AOPEP: variants seen among roughly 807,000 people sequenced by gnomAD.
AOPEP encodes the protein aminopeptidase O (putative).
Under a neutral mutation model 98.1 loss-of-function variants are expected in AOPEP, and 77 were observed. The ratio of observed to expected loss-of-function variants is 0.78; its 90% CI spans 0.65 to 0.95. AOPEP has a LOEUF of 0.95. Among genes scored for constraint, AOPEP ranks in the 40% least tolerant of loss-of-function variants. AOPEP has a pLI of 0.00. For synonymous variants in AOPEP, 346 were observed against 365.3 expected (o/e 0.95, Z 0.60); for missense variants, 1,024 against 1,024.7 (o/e 1.00, Z 0.01).
intron 1 of AOPEP, among the ~76,000 whole-genome samples, chr9:94,755,216 T>C (rs1836739881): frequency 1.3e-5 from 2 of 152,314 alleles, no homozygotes; most frequent in Admixed American, 1.3e-4. Context: ...AATGCTTCAG[T>C]GAGACAGGCT....
At chr9:94,731,545 G>T (rs1382128488) in intron 1 of AOPEP, among the ~76,000 whole-genome samples, 1 of 151,966 alleles carries the variant, frequency 6.6e-6, no homozygotes, top group Non-Finnish European at 1.5e-5. Flanking sequence ...TTTTTAAATA[G>T]TACTTTTTAG....
chr9:94,772,508 T>C (rs1273043091), intron 2 of AOPEP, among the ~76,000 whole-genome samples: 4 of 152,194 alleles, frequency 2.6e-5, no homozygotes, highest in African/African-American at 9.7e-5. Flanking sequence ...AGGGTTCTAT[T>C]TGAGATGGTG....
At chr9:94,786,450 A>G (rs969068802) in intron 3 of AOPEP, among the ~76,000 whole-genome samples, 1 of 152,212 alleles carries the variant, frequency 6.6e-6, no homozygotes, top group Non-Finnish European at 1.5e-5. Flanking sequence ...CTTATTCCAA[A>G]CAATAGACAA....
chr9:95,086,615 A>G, intron 16 of AOPEP, 67 bp from the exon 17 acceptor site: 1 of 989,194 alleles, frequency 1.0e-6, no homozygotes, highest in Non-Finnish European at 1.2e-6. Context: ...AGGCACACAG[A>G]GGTGCGCGCT....
At chr9:94,745,303 G>A (rs1361318149) in intron 1 of AOPEP, among the ~76,000 whole-genome samples, 1 of 149,688 alleles carries the variant, frequency 6.7e-6, no homozygotes, top group East Asian at 1.9e-4. Flanking sequence ...TTGAGACAGA[G>A]TCTGGCTCTG....
chr9:94,822,052 C>G (rs1363053769), intron 5 of AOPEP, among the ~76,000 whole-genome samples: 1 of 151,070 alleles, frequency 6.6e-6, no homozygotes, highest in African/African-American at 2.4e-5. Context: ...TGGCTGTGTG[C>G]TATAGACACA....
At chr9:95,108,258 C>T in the AOPEP span, among the ~76,000 whole-genome samples, 4 of 152,320 alleles carry the variant, frequency 2.6e-5, no homozygotes, top group African/African-American at 9.6e-5. Context: ...ACTGCACCAT[C>T]GGGCTCTTCC....
In AOPEP at chr9:94,946,804, T is replaced by A. The variant is rs1049358879; in HGVS notation, c.1662-8373T>A. On this transcript the variant is annotated intron_variant, in intron 7 of 16. Transcript: ENST00000375315. ...TTGTTCTCTTTGTTGACAGTGGTCT[T>A]CTCCAAATGTGACAACTGAACTGAA... Among the ~76,000 whole-genome samples the A allele has an allele frequency of 2.0e-4, 31 of 152,216 alleles. No homozygotes were observed. In the Middle Eastern group the frequency reaches 0.01, roughly 50 times the overall value.
chr9:94,881,683 G>T (rs1373623890), intron 5 of AOPEP, among the ~76,000 whole-genome samples: 1 of 152,132 alleles, frequency 6.6e-6, no homozygotes, highest in Non-Finnish European at 1.5e-5. Context: ...TGCAGTTCCT[G>T]CAGGAAATAT....
intron 13 of AOPEP, among the ~76,000 whole-genome samples, chr9:95,015,274 T>C (rs1215468082): frequency 6.6e-6 from 1 of 152,252 alleles, no homozygotes; most frequent in African/African-American, 2.4e-5. Context: ...ATAGTGTTAG[T>C]GTCTTTATTT....
At chr9:94,847,158 T>A (rs74991013) in intron 5 of AOPEP, among the ~76,000 whole-genome samples, 17 of 37,754 alleles carry the variant, frequency 4.5e-4, no homozygotes, top group Admixed American at 2.8e-3. Flanking sequence ...ACACACTCTC[T>A]CTGTCTCTCT....
At chr9:94,904,909 G>A (rs1398261536) in intron 5 of AOPEP, among the ~76,000 whole-genome samples, 2 of 152,170 alleles carry the variant, frequency 1.3e-5, no homozygotes, top group African/African-American at 4.8e-5. Flanking sequence ...GGTACAAATT[G>A]GAGTGCTGAT....
intron 13 of AOPEP, chr9:95,019,520 A>G (rs1352603681): frequency 1.3e-5 from 2 of 152,190 alleles, no homozygotes; most frequent in Non-Finnish European, 2.9e-5. Context: ...GGCACTTAAG[A>G]TTGGGCCCAT....
In AOPEP at chr9:94,967,010, A is replaced by G. The variant is rs75091734; in HGVS notation, c.1873-748A>G. Among the ~76,000 whole-genome samples, 436 of 152,330 alleles carry G rather than the reference A, an allele frequency of 2.9e-3. 4 individuals are homozygous for G. Among genetic ancestry groups the G allele is most frequent in the African/African-American group, 9.8e-3 (407 of 41,580 alleles). On this transcript the variant is annotated intron_variant, in intron 9 of 16. Transcript: ENST00000375315. ...TATGTAATGTTTGGGACTTGGTTCT[A>G]TATAACACAGGAAGAGGGAAAGTGG...
At chr9:95,084,241 T>C (rs1468077146) in intron 16 of AOPEP, among the ~76,000 whole-genome samples, 2 of 152,256 alleles carry the variant, frequency 1.3e-5, no homozygotes, top group African/African-American at 4.8e-5. Flanking sequence ...TCTAATGTTT[T>C]GTGCTTATGA....
At chr9:94,850,098 G>T (rs987371093) in intron 5 of AOPEP, among the ~76,000 whole-genome samples, 4 of 151,720 alleles carry the variant, frequency 2.6e-5, no homozygotes, top group African/African-American at 7.3e-5. Context: ...GAGCTCAGGC[G>T]AGAATGCTCA....
chr9:94,954,364 G>A (rs1204732698), intron 7 of AOPEP, among the ~76,000 whole-genome samples: 1 of 152,188 alleles, frequency 6.6e-6, no homozygotes, highest in Non-Finnish European at 1.5e-5. Flanking sequence ...TGACTATCCA[G>A]TCCAATCTTT....
chr9:95,133,508 A>G, the AOPEP span, among the ~76,000 whole-genome samples: 1 of 152,366 alleles, frequency 6.6e-6, no homozygotes, highest in Admixed American at 6.5e-5. Flanking sequence ...TGAGCATTAT[A>G]CAGTTATGTG....
chr9:95,061,509 T>TG (rs2067315279), intron 14 of AOPEP, among the ~76,000 whole-genome samples: 1 of 152,228 alleles, frequency 6.6e-6, no homozygotes, highest in Non-Finnish European at 1.5e-5. Context: ...CCATTAGCCA[T>TG]GTGTGGCTGT....
Sources: allele counts gnomAD v4.1 joint callset (sites outside exome capture counted in the v4.1 genomes callset), GRCh38; gene constraint gnomAD v4.1.1; transcripts MANE v1.5; gene names NCBI Gene and HGNC (gene_info 2026-07-23, HGNC 2026-07-21).